The following CAMK2G variants were observed in gnomAD, a reference collection of about 807,000 sequenced individuals.
CAMK2G encodes calcium/calmodulin-dependent protein kinase type II subunit gamma.
In CAMK2G, 23 loss-of-function variants were observed where a neutral mutation model predicts 88.7. The observed-to-expected ratio is 0.26, with a 90% confidence interval of 0.19 to 0.37. The LOEUF (loss-of-function observed/expected upper bound fraction) is 0.37, where lower values mean the gene tolerates loss of function less well. Ranked by LOEUF, CAMK2G falls within the 10% of genes least tolerant of loss-of-function variation. CAMK2G has a pLI of 1.00. For synonymous variants in CAMK2G, 263 were observed against 294.8 expected (o/e 0.89, Z 1.11); for missense variants, 476 against 780.8 (o/e 0.61, Z 4.65).
At chr10:73,820,595 C>T (rs2088012374) in intron 18 of CAMK2G, among the ~76,000 whole-genome samples, 1 of 140,926 alleles carries the variant, frequency 7.1e-6, no homozygotes, top group Non-Finnish European at 1.5e-5. Flanking sequence ...CTCCCGGGTT[C>T]AAGCCATTTT....
rs1198716305 is a variant in CAMK2G at position 73,820,663 on chromosome 10, A to ATTT, written c.1249+1016_1249+1018dup. Among the ~76,000 whole-genome samples the ATTT allele has an allele frequency of 3.0e-4, 14 of 46,126 alleles. 1 individual carries two copies. In the East Asian group the frequency reaches 0.013, roughly 43 times the overall value. The allele number at this position is 46,126 out of a possible 152,430, so 30.3% of individuals were successfully genotyped here. On this transcript the variant is annotated intron_variant, in intron 18 of 22. Transcript: ENST00000423381. ...AGGACCCCGCCACCACACCCGGCTA[A>ATTT]TTTTTTTTTTTTTTTTTTTTTTTTT...
chr10:73,831,070 A>G (rs2092349390), intron 14 of CAMK2G, among the ~76,000 whole-genome samples: 1 of 152,220 alleles, frequency 6.6e-6, no homozygotes, highest in South Asian at 2.1e-4. Flanking sequence ...AACTCTGCAC[A>G]TCTTGCTTTG....
chr10:73,846,378 G>C (rs1016081044), intron 10 of CAMK2G: 2 of 152,172 alleles, frequency 1.3e-5, no homozygotes, highest in Non-Finnish European at 2.9e-5. Context: ...AACAAGCACA[G>C]GGGTGTCACC....
rs183457953 is a variant in CAMK2G at position 73,842,562 on chromosome 10, C to A, written c.820-21G>T. 6.4e-7 allele frequency: 1 copy of A among 1,569,854 alleles called. No individual in the cohort carries two copies. Among genetic ancestry groups the A allele is most frequent in the Admixed American group, 1.7e-5 (1 of 59,958 alleles). On this transcript the variant is annotated intron_variant, in intron 10 of 22. Coordinates refer to ENST00000423381, the MANE Select transcript of CAMK2G (RefSeq NM_001367534.1). This position sits in a 1 kb window ranked among gnomAD's most constrained non-coding sequence, Gnocchi z 4.6. ...CGTTGCTAGAAACCAAACAGACAGG[C>A]TATGAGCCCCAGCCCAGATCCTCTG... is the stretch of plus-strand genomic sequence containing the variant.
At chr10:73,863,446 C>T (rs2095467141) in intron 2 of CAMK2G, among the ~76,000 whole-genome samples, 1 of 152,242 alleles carries the variant, frequency 6.6e-6, no homozygotes, top group Non-Finnish European at 1.5e-5. Context: ...GACATGACCC[C>T]ACCTTCCTTC....
intron 2 of CAMK2G, among the ~76,000 whole-genome samples, chr10:73,865,269 C>T (rs116345065): frequency 0.011 from 1,676 of 152,292 alleles, 25 homozygotes; most frequent in African/African-American, 0.038. Context: ...CGGGGCCCAC[C>T]TGTGTCTACA....
Position 73,839,024 on chromosome 10 carries a change from C to T in CAMK2G, c.1009+515G>A, listed in dbSNP as rs557071790. ...TAAGGCTGGGAGAGCTGGTGTGACT[C>T]GCTCAGGGTGTGGCAGGGCTAGGAT... On this transcript the variant is annotated intron_variant, in intron 13 of 22. Coordinates refer to ENST00000423381, the MANE Select transcript of CAMK2G (RefSeq NM_001367534.1). The surrounding 1 kb of genome is among the most constrained non-coding windows in gnomAD (Gnocchi z 4.2). Among the ~76,000 whole-genome samples, 62 of 152,306 alleles carry T rather than the reference C, an allele frequency of 4.1e-4. No homozygotes were observed. Among genetic ancestry groups the T allele is most frequent in the Middle Eastern group, 3.4e-3 (1 of 294 alleles).
chr10:73,874,430 G>A lies in CAMK2G; in HGVS notation c.32C>T (p.Thr11Ile). The A allele has an allele frequency of 1.3e-6, 2 of 1,522,018 alleles. No homozygotes were observed. Among genetic ancestry groups the A allele is most frequent in the East Asian group, 2.6e-5 (1 of 38,140 alleles). The allele number at this position is 1,522,018 out of a possible 1,614,324, so 94.3% of individuals were successfully genotyped here. Residue 11 changes from threonine to isoleucine, a missense_variant, in exon 1 of 23, where the codon ACC becomes ATC. By Grantham distance (89) the Thr-to-Ile change is moderately conservative. Transcript: ENST00000423381. ...CTCCTCGAAGAGCTGGTAGTCGTCGGTGAAACGGGTGCAGGTGGCGGTGGT... is the reference window on the plus strand; with the variant it reads ...CTCCTCGAAGAGCTGGTAGTCGTCGATGAAACGGGTGCAGGTGGCGGTGGT... MATTATCTRFTDDYQLFEELG... is the reference protein window; with the variant it reads MATTATCTRFIDDYQLFEELG...
In CAMK2G at chr10:73,842,629, G is replaced by C; in HGVS notation, c.820-88C>G. 2.2e-6 allele frequency: 2 copies of C among 919,188 alleles called. No homozygotes were observed. Among genetic ancestry groups the C allele is most frequent in the Admixed American group, 1.9e-5 (1 of 53,016 alleles). The allele number at this position is 919,188 out of a possible 1,614,324, so 56.9% of individuals were successfully genotyped here. ...GGCACCGATACCATGCCCAGGACAG[G>C]GTCATGCACTCAGCCACCCCAGAGT... On this transcript the variant is annotated intron_variant, in intron 10 of 22. Coordinates refer to ENST00000423381, the MANE Select transcript of CAMK2G (RefSeq NM_001367534.1). The surrounding 1 kb of genome is among the most constrained non-coding windows in gnomAD (Gnocchi z 4.6).
intron 14 of CAMK2G, among the ~76,000 whole-genome samples, chr10:73,835,837 CTCTTT>C (rs1181711542): frequency 2.0e-5 from 3 of 152,052 alleles, no homozygotes; most frequent in Admixed American, 2.0e-4. Context: ...GTTTTCTTTT[CTCTTT>C]TCTTTATTTT....
At chr10:73,825,147 C>CA (rs35204393) in intron 16 of CAMK2G, 132 bp downstream of exon 16, 1 of 729,386 alleles carries the variant, frequency 1.4e-6, no homozygotes. Flanking sequence ...GGGCGGCACA[C>CA]AAAGCAGTCA....
chr10:73,861,221 G>C (rs545100432), intron 2 of CAMK2G, among the ~76,000 whole-genome samples: 60 of 152,268 alleles, frequency 3.9e-4, no homozygotes, highest in Non-Finnish European at 7.5e-4. Context: ...ACCTTTTCCA[G>C]ATGAGGAAAT....
At chr10:73,833,649 G>A (rs1212269106) in intron 14 of CAMK2G, among the ~76,000 whole-genome samples, 1 of 149,022 alleles carries the variant, frequency 6.7e-6, no homozygotes, top group Non-Finnish European at 1.5e-5. Context: ...AGGCTGGAGT[G>A]CAGTGGTGTA....
intron 3 of CAMK2G, among the ~76,000 whole-genome samples, chr10:73,857,857 G>A (rs2095156264): frequency 6.6e-6 from 1 of 152,072 alleles, no homozygotes; most frequent in Admixed American, 6.6e-5. Context: ...GCATTTTGTT[G>A]TTTGTTTGTT....
intron 15 of CAMK2G, 28 bp downstream of exon 15, chr10:73,828,060 TG>T: frequency 6.2e-7 from 1 of 1,604,174 alleles, no homozygotes; most frequent in Non-Finnish European, 8.5e-7. Flanking sequence ...CAGCATGGAG[TG>T]GGCGATGGGT....
chr10:73,815,323 A>G (rs567641128), intron 21 of CAMK2G, 76 bp from the exon 22 acceptor site: 2 of 968,748 alleles, frequency 2.1e-6, no homozygotes, highest in African/African-American at 3.2e-5. Flanking sequence ...TGCACTTCCA[A>G]GTCTTACCAT....
chr10:73,828,520 T>C (rs2091708752), intron 14 of CAMK2G, among the ~76,000 whole-genome samples: 1 of 152,218 alleles, frequency 6.6e-6, no homozygotes, highest in African/African-American at 2.4e-5. Flanking sequence ...TTACTAGAAC[T>C]GTCTGAAATT....
chr10:73,841,394 G>A (rs1211172199), intron 12 of CAMK2G, among the ~76,000 whole-genome samples: 9 of 151,954 alleles, frequency 5.9e-5, no homozygotes, highest in Non-Finnish European at 1.2e-4. Context: ...GCTGGGCAGA[G>A]CCCTCTCTGT....
At position 73,845,308 on chromosome 10, in the gene CAMK2G, C is replaced by T. The variant is rs528564823; in HGVS notation, c.819+1917G>A. On this transcript the variant is annotated intron_variant, in intron 10 of 22. Coordinates refer to ENST00000423381, the MANE Select transcript of CAMK2G (RefSeq NM_001367534.1). Reference sequence around the variant, plus strand: ...AATGAAAACCATCATCTTGGCCGGGCGCAGTGGCTCATGCCTGTAATCTCA... The same window carrying T: ...AATGAAAACCATCATCTTGGCCGGGTGCAGTGGCTCATGCCTGTAATCTCA... 5.3e-5 allele frequency among the ~76,000 whole-genome samples: 8 copies of T among 152,200 alleles called. No individual in the cohort carries two copies. The South Asian group carries it at 6.2e-4, about 12-fold the overall frequency.
Sources: allele counts gnomAD v4.1 joint callset (sites outside exome capture counted in the v4.1 genomes callset), GRCh38; gene constraint gnomAD v4.1.1; non-coding constraint Gnocchi (gnomAD v3.1); transcripts MANE v1.5; gene names NCBI Gene and HGNC (gene_info 2026-07-23, HGNC 2026-07-21).